Variants in UVRAG observed in about 807,000 individuals in gnomAD.
UVRAG encodes the protein UV radiation resistance associated.
Under a neutral mutation model 78.0 loss-of-function variants are expected in UVRAG, and 19 were observed. That is an observed-to-expected ratio of 0.24 (90% CI 0.17 to 0.36). The LOEUF (loss-of-function observed/expected upper bound fraction) is 0.36, where lower values mean the gene tolerates loss of function less well. Among genes scored for constraint, UVRAG ranks in the 10% least tolerant of loss-of-function variants. The pLI is 1.00. For synonymous variants in UVRAG, 323 were observed against 324.6 expected (o/e 1.00, Z 0.05); for missense variants, 740 against 853.8 (o/e 0.87, Z 1.66).
chr11:75,878,509 C>G (rs540530241), intron 3 of UVRAG: 1 of 185,374 alleles, frequency 5.4e-6, no homozygotes, highest in Non-Finnish European at 1.1e-5. Context: ...CCAAGGCTGG[C>G]GGCTGGGAGG....
intron 13 of UVRAG, among the ~76,000 whole-genome samples, chr11:76,088,805 C>G (rs1462230229): frequency 6.6e-6 from 1 of 152,214 alleles, no homozygotes. Flanking sequence ...ACAGAGTTAT[C>G]ACCCATCTTC....
At chr11:76,015,199 C>A (rs1950124656) in intron 11 of UVRAG, among the ~76,000 whole-genome samples, 2 of 152,012 alleles carry the variant, frequency 1.3e-5, no homozygotes, top group Non-Finnish European at 2.9e-5. Flanking sequence ...TTCGAGGCTC[C>A]CAAGTTAAAA....
chr11:75,885,761 G>A (rs1241875782), intron 4 of UVRAG, among the ~76,000 whole-genome samples: 1 of 152,130 alleles, frequency 6.6e-6, no homozygotes, highest in Non-Finnish European at 1.5e-5. Context: ...TAGCAGTTCG[G>A]AAATGTGCAC....
rs571737561 is a variant in UVRAG at position 76,132,866 on chromosome 11, A to G, written c.1398-7845A>G. Among the ~76,000 whole-genome samples, 7 of 152,346 alleles carry G rather than the reference A, an allele frequency of 4.6e-5. No homozygotes were observed. In the South Asian group the frequency reaches 1.0e-3, roughly 23 times the overall value. ...TCAAGTAGAAGTAGAGATCAAATGT[A>G]GATGTTTTGGTGACAACAAAAAACT... On this transcript the variant is annotated intron_variant, in intron 14 of 14. Coordinates refer to ENST00000356136, the MANE Select transcript of UVRAG (RefSeq NM_003369.4).
At chr11:75,871,170 G>T (rs1478907042) in intron 3 of UVRAG, among the ~76,000 whole-genome samples, 1 of 151,982 alleles carries the variant, frequency 6.6e-6, no homozygotes, top group South Asian at 2.1e-4. Context: ...CCCTGCGCCC[G>T]GCCTATCTCT....
intron 13 of UVRAG, among the ~76,000 whole-genome samples, chr11:76,111,185 A>T (rs1379505159): frequency 1.3e-5 from 2 of 152,198 alleles, no homozygotes; most frequent in Non-Finnish European, 2.9e-5. Context: ...ATTCACAAGG[A>T]TGAAAAGAAT....
At chr11:75,918,132 C>T (rs927449908) in intron 6 of UVRAG, among the ~76,000 whole-genome samples, 5 of 149,710 alleles carry the variant, frequency 3.3e-5, no homozygotes, top group African/African-American at 5.0e-5. Flanking sequence ...TTTGGGAGGC[C>T]GAGACGGGCA....
At chr11:76,126,716 C>A (rs1171417238) in intron 14 of UVRAG, among the ~76,000 whole-genome samples, 2 of 151,998 alleles carry the variant, frequency 1.3e-5, no homozygotes, top group Admixed American at 6.5e-5. Flanking sequence ...TAATTAAATT[C>A]ATTTATACAT....
At chr11:75,880,794 A>G (rs1454700686) in intron 4 of UVRAG, among the ~76,000 whole-genome samples, 4 of 151,612 alleles carry the variant, frequency 2.6e-5, no homozygotes, top group African/African-American at 9.7e-5. Context: ...AGCTCAGGTA[A>G]TACACCCGCC....
intron 7 of UVRAG, among the ~76,000 whole-genome samples, chr11:75,973,456 A>T (rs538776038): frequency 6.6e-6 from 1 of 152,208 alleles, no homozygotes; most frequent in South Asian, 2.1e-4. Context: ...AATATTTTGT[A>T]GTGTCTTTGG....
chr11:75,827,807 A>G (rs556866044), intron 1 of UVRAG, among the ~76,000 whole-genome samples: 6 of 152,272 alleles, frequency 3.9e-5, no homozygotes, highest in South Asian at 4.1e-4. Context: ...CTTAATTCCA[A>G]TCATTCTTTT....
At chr11:75,972,400 T>C (rs1949141781) in intron 7 of UVRAG, among the ~76,000 whole-genome samples, 1 of 152,224 alleles carries the variant, frequency 6.6e-6, no homozygotes, top group Non-Finnish European at 1.5e-5. Context: ...ATGAACGGTA[T>C]AAGACCTGTA....
chr11:75,927,004 C>T (rs573992220), intron 6 of UVRAG, among the ~76,000 whole-genome samples: 206 of 151,602 alleles, frequency 1.4e-3, no homozygotes, highest in African/African-American at 4.8e-3. Flanking sequence ...TCATTGTTAC[C>T]GCTGTTTTAC....
At chr11:75,895,352 T>A (rs757652096) in intron 5 of UVRAG, among the ~76,000 whole-genome samples, 1 of 152,020 alleles carries the variant, frequency 6.6e-6, no homozygotes, top group African/African-American at 2.4e-5. Context: ...AACTTTTCCC[T>A]CTTTGTTTAT....
chr11:76,108,278 G>A (rs1180904391), intron 13 of UVRAG, among the ~76,000 whole-genome samples: 2 of 152,034 alleles, frequency 1.3e-5, no homozygotes, highest in African/African-American at 2.4e-5. Flanking sequence ...GGCTTTCCTG[G>A]CCTGGAAAAA....
chr11:75,941,154 T>C (rs1004043456), intron 6 of UVRAG, among the ~76,000 whole-genome samples: 3 of 152,194 alleles, frequency 2.0e-5, no homozygotes, highest in African/African-American at 4.8e-5. Context: ...TAGTCATTCA[T>C]TGACTTACAC....
intron 3 of UVRAG, among the ~76,000 whole-genome samples, chr11:75,875,616 CCTTT>C (rs1946755522): frequency 6.7e-6 from 1 of 149,062 alleles, no homozygotes; most frequent in African/African-American, 2.5e-5. Flanking sequence ...TGTTTTTAAA[CCTTT>C]TTTTTTTTTT....
At chr11:76,112,990 G>A (rs1157449656) in intron 13 of UVRAG, among the ~76,000 whole-genome samples, 1 of 152,154 alleles carries the variant, frequency 6.6e-6, no homozygotes, top group Admixed American at 6.5e-5. Context: ...GGGATTATGG[G>A]TGTGAGCCAC....
intron 8 of UVRAG, among the ~76,000 whole-genome samples, chr11:75,992,647 T>G (rs957150173): frequency 1.3e-5 from 2 of 152,196 alleles, no homozygotes; most frequent in African/African-American, 4.8e-5. Context: ...CCTGGTCTAC[T>G]TTTTGGGCAC....
Sources: gnomAD v4.1 joint callset for allele counts (sites outside exome capture counted in the v4.1 genomes callset) on GRCh38, gnomAD v4.1.1 for gene constraint, MANE v1.5 for transcripts, NCBI Gene and HGNC (gene_info 2026-07-23, HGNC 2026-07-21) for gene names.